The following PITPNM2 variants were observed in gnomAD, a reference collection of about 807,000 sequenced individuals.
PITPNM2 encodes phosphatidylinositol transfer protein membrane associated 2, also known as membrane-associated phosphatidylinositol transfer protein 2.
In PITPNM2, 35 loss-of-function variants were observed where a neutral mutation model predicts 132.2. That is an observed-to-expected ratio of 0.26 (90% CI 0.20 to 0.35). The LOEUF (loss-of-function observed/expected upper bound fraction) is 0.35. PITPNM2 is among the 10% of genes least tolerant of loss of function. The probability of loss-of-function intolerance (pLI) is 1.00; values close to 1 mark genes in which losing one functional copy is unlikely to be tolerated. For missense variants in PITPNM2, 1,332 were observed against 1,912.0 expected (o/e 0.70, Z 5.66); for synonymous variants, 738 against 799.2 (o/e 0.92, Z 1.29).
intron 3 of PITPNM2, among the ~76,000 whole-genome samples, chr12:123,025,871 C>T (rs2039846991): frequency 6.6e-6 from 1 of 152,204 alleles, no homozygotes; most frequent in South Asian, 2.1e-4. Flanking sequence ...GCAACATCCC[C>T]TTAGGAAAGG....
chr12:123,128,484 T>TGG (rs1404662015), intron 1 of PITPNM2, among the ~76,000 whole-genome samples: 1 of 145,054 alleles, frequency 6.9e-6, no homozygotes, highest in African/African-American at 2.6e-5. Context: ...GCAGGCGCAG[T>TGG]GGCTCATGCC....
intron 2 of PITPNM2, among the ~76,000 whole-genome samples, chr12:123,080,488 G>C (rs1441391479): frequency 1.3e-5 from 2 of 152,212 alleles, no homozygotes; most frequent in African/African-American, 2.4e-5. Flanking sequence ...GCCCCAAACT[G>C]AGTGCTCATC....
intron 2 of PITPNM2, among the ~76,000 whole-genome samples, chr12:123,039,252 C>T (rs571281254): frequency 7.2e-5 from 11 of 152,024 alleles, no homozygotes; most frequent in African/African-American, 2.7e-4. Context: ...GAGCAAGGCC[C>T]TGTCTCAAAA....
chr12:123,130,063 C>A (rs958839075), intron 1 of PITPNM2, among the ~76,000 whole-genome samples: 2 of 151,990 alleles, frequency 1.3e-5, no homozygotes, highest in African/African-American at 2.4e-5. Flanking sequence ...ACCACCATAC[C>A]CAGCTAATTT....
intron 1 of PITPNM2, among the ~76,000 whole-genome samples, chr12:123,138,119 G>C (rs1470833304): frequency 1.3e-5 from 2 of 151,994 alleles, no homozygotes; most frequent in African/African-American, 4.8e-5. Context: ...AAGAAAATGT[G>C]GTGTATGCCT....
chr12:123,085,332 C>T (rs949882836), intron 2 of PITPNM2, among the ~76,000 whole-genome samples: 2 of 152,172 alleles, frequency 1.3e-5, no homozygotes, highest in African/African-American at 4.8e-5. Flanking sequence ...ACAGTGCTGA[C>T]ATCCCCTTTG....
intron 5 of PITPNM2, 23 bp downstream of exon 5, chr12:123,012,590 G>A: frequency 6.2e-7 from 1 of 1,613,572 alleles, no homozygotes; most frequent in South Asian, 1.1e-5. Context: ...ACAGCCCTGT[G>A]GGGCTCTGCC....
chr12:123,017,568 G>A (rs538031313), intron 3 of PITPNM2, among the ~76,000 whole-genome samples: 7 of 152,248 alleles, frequency 4.6e-5, no homozygotes, highest in African/African-American at 1.7e-4. Context: ...GTACACCAAT[G>A]TTCATTGCAG....
intron 2 of PITPNM2, among the ~76,000 whole-genome samples, chr12:123,062,551 TGGGG>T (rs2041276257): frequency 6.6e-6 from 1 of 152,090 alleles, no homozygotes; most frequent in African/African-American, 2.4e-5. Flanking sequence ...CTCTTGCTCT[TGGGG>T]CTAGATGTAT....
intron 2 of PITPNM2, among the ~76,000 whole-genome samples, chr12:123,102,209 A>G (rs1254418707): frequency 6.6e-6 from 1 of 152,168 alleles, no homozygotes; most frequent in Non-Finnish European, 1.5e-5. Context: ...GAGGAAGGAA[A>G]GTGCTGAACA....
intron 1 of PITPNM2, among the ~76,000 whole-genome samples, chr12:123,142,527 A>C (rs2043526494): frequency 6.6e-6 from 1 of 152,210 alleles, no homozygotes; most frequent in South Asian, 2.1e-4. Context: ...ACATCAAACA[A>C]ATTTCCTTTA....
At chr12:123,050,225 G>T (rs1436732260) in intron 2 of PITPNM2, among the ~76,000 whole-genome samples, 2 of 152,174 alleles carry the variant, frequency 1.3e-5, no homozygotes, top group East Asian at 3.9e-4. Context: ...GACAAGCTGG[G>T]CCCTGAATGA....
At position 123,031,052 on chromosome 12, in the gene PITPNM2, T is replaced by G. The variant is rs1267105403; in HGVS notation, c.78+3461A>C. Among the ~76,000 whole-genome samples, 9 of 152,194 alleles carry G rather than the reference T, an allele frequency of 5.9e-5. No homozygotes were observed. Among genetic ancestry groups the G allele is most frequent in the Non-Finnish European group, 4.4e-5 (3 of 68,032 alleles). On this transcript the variant is annotated intron_variant, in intron 3 of 25. Coordinates refer to ENST00000320201, the MANE Select transcript of PITPNM2 (RefSeq NM_020845.3). The surrounding 1 kb of genome is among the most constrained non-coding windows in gnomAD (Gnocchi z 4.5). ...TCTTTCTGGGGTGATGAAAGTGTTT[T>G]GGAACTAAAGTTGGTGGTTGCACAA...
At chr12:123,131,440 A>G (rs192877103) in intron 1 of PITPNM2, among the ~76,000 whole-genome samples, 248 of 152,290 alleles carry the variant, frequency 1.6e-3, no homozygotes, top group African/African-American at 5.8e-3. Context: ...GAAACCCAAA[A>G]TTTGGATGTG....
chr12:123,090,223 A>G (rs1195467832), intron 2 of PITPNM2: 2 of 152,226 alleles, frequency 1.3e-5, no homozygotes, highest in Non-Finnish European at 2.9e-5. Flanking sequence ...TACGTGACTG[A>G]TAAGTTAGTA....
intron 1 of PITPNM2, among the ~76,000 whole-genome samples, chr12:123,125,971 G>A (rs1274901248): frequency 2.1e-4 from 25 of 121,124 alleles, no homozygotes; most frequent in African/African-American, 5.6e-4. Context: ...TCAGGTTCAC[G>A]CCATTCTCCT....
chr12:123,060,180 TC>T (rs2041184258), intron 2 of PITPNM2, among the ~76,000 whole-genome samples: 2 of 152,130 alleles, frequency 1.3e-5, no homozygotes, highest in African/African-American at 4.8e-5. Flanking sequence ...CCAAAGATGC[TC>T]CAGCATACTG....
At chr12:122,991,925 G>A in intron 16 of PITPNM2, 14 of 1,306,758 alleles carry the variant, frequency 1.1e-5, no homozygotes, top group Non-Finnish European at 1.3e-5. Context: ...AGAGAACAGA[G>A]GACAAGAACA....
chr12:123,002,195 G>A (rs547430659), intron 8 of PITPNM2, among the ~76,000 whole-genome samples: 1 of 152,044 alleles, frequency 6.6e-6, no homozygotes, highest in South Asian at 2.1e-4. Flanking sequence ...AATTAGGCAG[G>A]CATGGTGGCA....
Sources: allele counts gnomAD v4.1 joint callset (sites outside exome capture counted in the v4.1 genomes callset), GRCh38; gene constraint gnomAD v4.1.1; non-coding constraint Gnocchi (gnomAD v3.1); transcripts MANE v1.5; gene names NCBI Gene and HGNC (gene_info 2026-07-23, HGNC 2026-07-21).